The following REL variants were observed in gnomAD, a reference collection of about 807,000 sequenced individuals.
The protein encoded by REL is REL proto-oncogene, NF-kB subunit.
Under a neutral mutation model 45.9 loss-of-function variants are expected in REL, and 15 were observed. That is an observed-to-expected ratio of 0.33 (90% CI 0.22 to 0.50). REL has a LOEUF of 0.50. Ranked by LOEUF, REL falls within the 20% of genes least tolerant of loss-of-function variation. REL has a pLI of 0.98. For missense variants in REL, 601 were observed against 715.2 expected (o/e 0.84, Z 1.82); for synonymous variants, 239 against 242.1 (o/e 0.99, Z 0.12).
intron 8 of REL, 99 bp downstream of exon 8, chr2:60,920,208 T>G: frequency 9.5e-7 from 1 of 1,054,572 alleles, no homozygotes; most frequent in South Asian, 1.5e-5. Flanking sequence ...TTTTGTTGTT[T>G]GTTTGTTTTT....
chr2:60,919,767 C>T (rs1339977690), intron 7 of REL, among the ~76,000 whole-genome samples: 3 of 151,972 alleles, frequency 2.0e-5, no homozygotes, highest in Non-Finnish European at 1.5e-5. Context: ...TGTCATGTTG[C>T]TTAGGTTGGC....
intron 3 of REL, among the ~76,000 whole-genome samples, chr2:60,897,641 A>G (rs879830290): frequency 3.3e-5 from 5 of 152,158 alleles, no homozygotes; most frequent in Admixed American, 6.5e-5. Context: ...CCCTGAAGTC[A>G]TCAGCTTTTT....
intron 2 of REL, among the ~76,000 whole-genome samples, chr2:60,893,616 G>A (rs934417588): frequency 2.6e-5 from 4 of 152,110 alleles, no homozygotes; most frequent in African/African-American, 7.2e-5. Context: ...CTTTCATACA[G>A]AAAGAAATGT....
rs1217869869 is a variant in REL, at chr2:60,931,574, G to A, written c.*9039G>A. 1 of 152,062 alleles carries A rather than the reference G, an allele frequency of 6.6e-6. No individual in the cohort carries two copies. Among genetic ancestry groups the A allele is most frequent in the Non-Finnish European group, 1.5e-5 (1 of 67,984 alleles). 9.4% of individuals were successfully genotyped at this position (152,062 alleles called of 1,614,324 possible). ...CATTTGCAATATCTTTGTATATAGT[G>A]ATTTTTTTCTTGATAATAAATGGAA... On this transcript the variant is annotated 3_prime_UTR_variant, in exon 10 of 10. Transcript: ENST00000394479.
intron 4 of REL, among the ~76,000 whole-genome samples, chr2:60,906,911 A>ATTT (rs1285004419): frequency 2.3e-3 from 256 of 108,978 alleles, no homozygotes; most frequent in Middle Eastern, 6.3e-3. Context: ...ATATATATAT[A>ATTT]TATTTTTTTT....
intron 3 of REL, chr2:60,900,775 G>GGC (rs1290234097): frequency 6.8e-6 from 3 of 439,840 alleles, no homozygotes; most frequent in African/African-American, 4.2e-5. Context: ...CACCTGCCTT[G>GGC]GCCTCCCAAA....
intron 7 of REL, 136 bp from the exon 8 acceptor site, chr2:60,919,905 A>G (rs1674090521): frequency 3.3e-6 from 2 of 613,856 alleles, no homozygotes; most frequent in Non-Finnish European, 2.9e-6. Flanking sequence ...GACATATTCT[A>G]TAATACTTAT....
In REL at chr2:60,921,831, T is replaced by A. The variant is rs1478042115; in HGVS notation, c.1060T>A (p.Ser354Thr). ...MPTGVSSQAE[S>T]YYPSPGPISS... ...TACAGGGGTTTCAAGTCAAGCAGAA[T>A]CCTACTATCCCTCACCTGGGCCCAT... is the stretch of plus-strand genomic sequence containing the variant. The change falls in exon 10 of 10, where the codon TCC (serine) becomes ACC (threonine). Residue 354 changes from serine to threonine, a missense_variant. This residue lies in a region of REL where 334 missense variants were observed against 333.1 expected (regional missense o/e 1.00). Coordinates refer to ENST00000394479, the MANE Select transcript of REL (RefSeq NM_001291746.2). The A allele has an allele frequency of 6.2e-7, 1 of 1,613,974 alleles. No individual in the cohort carries two copies. Among genetic ancestry groups the A allele is most frequent in the Non-Finnish European group, 8.5e-7 (1 of 1,180,002 alleles).
intron 3 of REL, chr2:60,900,040 G>A (rs1214592350): frequency 3.9e-5 from 6 of 152,226 alleles, no homozygotes; most frequent in African/African-American, 1.4e-4. Flanking sequence ...GCATAAATGA[G>A]TGGTGTGGAT....
intron 4 of REL, among the ~76,000 whole-genome samples, chr2:60,905,219 C>T (rs953337156): frequency 2.6e-5 from 4 of 152,152 alleles, no homozygotes; most frequent in Non-Finnish European, 2.9e-5. Flanking sequence ...CTCAGCCTCC[C>T]GAGTAGCTGG....
At position 60,927,416 on chromosome 2, in the gene REL, G is replaced by A. The variant is rs1674292158; in HGVS notation, c.*4881G>A. On this transcript the variant is annotated 3_prime_UTR_variant, in exon 10 of 10. Coordinates refer to ENST00000394479, the MANE Select transcript of REL (RefSeq NM_001291746.2). Reference sequence around the variant, plus strand: ...ACACATACCACAGCCCTTTGAGACTGAAAGCAGCTCTATTGAGAATAGTAG... The same window carrying A: ...ACACATACCACAGCCCTTTGAGACTAAAAGCAGCTCTATTGAGAATAGTAG... 1 of 231,370 alleles carries A rather than the reference G, an allele frequency of 4.3e-6. No individual in the cohort carries two copies. The highest frequency in any genetic ancestry group is 2.2e-5 in the African/African-American group (1 of 45,200). The allele number at this position is 231,370 out of a possible 1,614,324, so 14.3% of individuals were successfully genotyped here.
rs1674304329 is a variant in REL, at chr2:60,927,939, A to G, written c.*5404A>G. The G allele has an allele frequency of 4.6e-6, 1 of 218,604 alleles. No individual in the cohort carries two copies. The highest frequency in any genetic ancestry group is 9.2e-6 in the Non-Finnish European group (1 of 108,758). The allele number at this position is 218,604 out of a possible 1,614,324, so 13.5% of individuals were successfully genotyped here. A position where few individuals can be genotyped will look rare whatever the true frequency, so the allele number is the denominator to read the frequency against. On this transcript the variant is annotated 3_prime_UTR_variant, in exon 10 of 10. Coordinates refer to ENST00000394479, the MANE Select transcript of REL (RefSeq NM_001291746.2). Reference sequence around the variant, plus strand: ...TTAAATAACTGGGCTTCTCACAACCATAGTGAACAGAAACAGCTGGGTTGT... The same window carrying G: ...TTAAATAACTGGGCTTCTCACAACCGTAGTGAACAGAAACAGCTGGGTTGT...
Position 60,922,663 on chromosome 2 carries a change from T to G in REL, c.*128T>G. On this transcript the variant is annotated 3_prime_UTR_variant, in exon 10 of 10. Transcript: ENST00000394479. ...ATAATACTGACTGAGAATATAATAC[T>G]GTATTTGAGAATATAAAAAACTTTT... The G allele has an allele frequency of 1.5e-6, 2 of 1,313,784 alleles. No individual in the cohort carries two copies. Among genetic ancestry groups the G allele is most frequent in the Non-Finnish European group, 1.9e-6 (2 of 1,030,470 alleles). 81.4% of individuals were successfully genotyped at this position (1,313,784 alleles called of 1,614,324 possible). A position where few individuals can be genotyped will look rare whatever the true frequency, so the allele number is the denominator to read the frequency against.
Position 60,922,770 on chromosome 2 carries a change from G to A in REL, c.*235G>A, listed in dbSNP as rs1476984290. 29 of 1,108,250 alleles carry A rather than the reference G, an allele frequency of 2.6e-5. No homozygotes were observed. The highest frequency in any genetic ancestry group is 8.2e-5 in the African/African-American group (5 of 60,680). The allele number at this position is 1,108,250 out of a possible 1,614,324, so 68.7% of individuals were successfully genotyped here. A position where few individuals can be genotyped will look rare whatever the true frequency, so the allele number is the denominator to read the frequency against. On this transcript the variant is annotated 3_prime_UTR_variant, in exon 10 of 10. Coordinates refer to ENST00000394479, the MANE Select transcript of REL (RefSeq NM_001291746.2). Reference sequence around the variant, plus strand: ...TAAAAAGACAACTCAGAGGCCAGGCGCAGGGGCTCACACCTGTAATCCTAG... The same window carrying A: ...TAAAAAGACAACTCAGAGGCCAGGCACAGGGGCTCACACCTGTAATCCTAG...
rs373603215 is a variant in REL, at chr2:60,918,507, G to A, written c.754G>A (p.Ala252Thr). 3 of 1,613,938 alleles carry A rather than the reference G, an allele frequency of 1.9e-6. No individual in the cohort carries two copies. The highest frequency in any genetic ancestry group is 2.7e-5 in the African/African-American group (2 of 74,892). ...IVFKTPPYCK[A>T]ITEPVTVKMQ... is the part of the protein sequence containing the mutation. Reference sequence around the variant, plus strand: ...TTTCAAAACTCCACCATATTGCAAAGCTATCACAGAACCCGTAACAGTAAA... The same window carrying A: ...TTTCAAAACTCCACCATATTGCAAAACTATCACAGAACCCGTAACAGTAAA... Residue 252 changes from alanine (A) to threonine (T), a missense_variant, in exon 7 of 10, where the codon GCT (alanine) becomes ACT (threonine). This residue lies in a region of REL where 241 missense variants were observed against 347.0 expected (regional missense o/e 0.69). Transcript: ENST00000394479.
In REL at chr2:60,927,127, G is replaced by A. The variant is rs1674285794; in HGVS notation, c.*4592G>A. 2 of 225,526 alleles carry A rather than the reference G, an allele frequency of 8.9e-6. No homozygotes were observed. The highest frequency in any genetic ancestry group is 2.2e-5 in the African/African-American group (1 of 44,868). 14.0% of individuals were successfully genotyped at this position (225,526 alleles called of 1,614,324 possible). On this transcript the variant is annotated 3_prime_UTR_variant, in exon 10 of 10. Coordinates refer to ENST00000394479, the MANE Select transcript of REL (RefSeq NM_001291746.2). ...ATTACGGACATCCTCTTATTTAAGT[G>A]TTTGTCTCTTTCGTCATTGGGACTC...
intron 4 of REL, among the ~76,000 whole-genome samples, chr2:60,901,349 A>T: frequency 6.6e-6 from 1 of 151,538 alleles, no homozygotes; most frequent in Non-Finnish European, 1.5e-5. Context: ...TTAAGTAGAG[A>T]CGGGGTTTCA....
rs1323008133 is a variant in REL at position 60,894,386 on chromosome 2, C to T, written c.154-11C>T. 8 of 1,446,452 alleles carry T rather than the reference C, an allele frequency of 5.5e-6. No homozygotes were observed. The Admixed American group carries it at 1.3e-4, about 23-fold the overall frequency. 89.6% of individuals were successfully genotyped at this position (1,446,452 alleles called of 1,614,324 possible). ...ATTTGGATCATGTATTTAATTTCCCCCTTTTTTCAGATTATGAACTATTAT... is the reference window on the plus strand; with the variant it reads ...ATTTGGATCATGTATTTAATTTCCCTCTTTTTTCAGATTATGAACTATTAT... On this transcript the variant is annotated splice_polypyrimidine_tract_variant and intron_variant, in intron 2 of 9. Transcript: ENST00000394479.
chr2:60,921,572 C>T lies in REL; in HGVS notation c.992-191C>T, dbSNP rs35579175. Among the ~76,000 whole-genome samples the T allele has an allele frequency of 3.9e-3, 598 of 152,156 alleles. 6 individuals are homozygous for T. The highest frequency in any genetic ancestry group is 0.013 in the African/African-American group (557 of 41,522). On this transcript the variant is annotated intron_variant, in intron 9 of 9. Transcript: ENST00000394479. ...ACCTGTATTTGTAAAATGGTATATA[C>T]GTTACAGAATTTCATTTTGGATTCG...
Sources: allele counts gnomAD v4.1 joint callset (sites outside exome capture counted in the v4.1 genomes callset), GRCh38; gene constraint gnomAD v4.1.1; regional missense constraint gnomAD v4.1.1; transcripts MANE v1.5; gene names NCBI Gene and HGNC (gene_info 2026-07-23, HGNC 2026-07-21).